PPP1R12B: variants seen among roughly 807,000 people sequenced by gnomAD.
PPP1R12B encodes myosin phosphatase target subunit 2.
A neutral mutation model predicts 126.1 loss-of-function variants in PPP1R12B; 76 were observed. The observed-to-expected ratio is 0.60, with a 90% CI of 0.50 to 0.73. The LOEUF (loss-of-function observed/expected upper bound fraction) is 0.73. Among genes scored for constraint, PPP1R12B ranks in the 30% least tolerant of loss-of-function variants. The pLI is 0.00. For synonymous variants in PPP1R12B, 356 were observed against 434.7 expected (o/e 0.82, Z 2.25); for missense variants, 1,052 against 1,205.1 (o/e 0.87, Z 1.88).
intron 9 of PPP1R12B, among the ~76,000 whole-genome samples, chr1:202,436,672 ATAAT>A (rs1045837898): frequency 3.3e-5 from 5 of 152,166 alleles, no homozygotes; most frequent in African/African-American, 9.7e-5. Context: ...GCAAAATGAG[ATAAT>A]TAAGGACAAT....
intron 1 of PPP1R12B, among the ~76,000 whole-genome samples, chr1:202,374,574 T>C (rs1421839933): frequency 1.5e-5 from 2 of 135,560 alleles, no homozygotes; most frequent in Non-Finnish European, 3.1e-5. Flanking sequence ...CTCGGCTCAC[T>C]TGCAACCTCC....
At chr1:202,373,656 T>C (rs530217091) in intron 1 of PPP1R12B, among the ~76,000 whole-genome samples, 1 of 132,982 alleles carries the variant, frequency 7.5e-6, no homozygotes, top group East Asian at 2.8e-4. Context: ...TGACAGAAGA[T>C]ATCTTTGTTT....
intron 18 of PPP1R12B, among the ~76,000 whole-genome samples, chr1:202,528,968 A>C (rs1683647122): frequency 6.6e-6 from 1 of 152,142 alleles, no homozygotes. Context: ...AAGGAAGGGG[A>C]CAAAGTGATC....
At chr1:202,569,243 C>A in intron 23 of PPP1R12B, 46 bp downstream of exon 23, 1 of 1,562,872 alleles carries the variant, frequency 6.4e-7, no homozygotes, top group Non-Finnish European at 8.8e-7. Flanking sequence ...TCTCTGAATG[C>A]CTGCCAAGAC....
chr1:202,539,156 G>T (rs188432503), intron 18 of PPP1R12B, among the ~76,000 whole-genome samples: 79 of 152,292 alleles, frequency 5.2e-4, no homozygotes, highest in Middle Eastern at 3.4e-3. Context: ...TCTAGAAGTT[G>T]AAAAATCCCC....
chr1:202,551,784 A>T (rs1363037550), intron 18 of PPP1R12B, among the ~76,000 whole-genome samples: 12 of 152,190 alleles, frequency 7.9e-5, no homozygotes, highest in Non-Finnish European at 1.6e-4. Context: ...TGCGAAAAGA[A>T]CTCAGTGCTT....
intron 18 of PPP1R12B, among the ~76,000 whole-genome samples, chr1:202,506,475 A>G (rs1158715452): frequency 6.6e-6 from 1 of 152,222 alleles, no homozygotes; most frequent in Non-Finnish European, 1.5e-5. Context: ...GTGTCCCATT[A>G]CATCAGTGAA....
At chr1:202,378,060 G>A (rs990662798) in intron 1 of PPP1R12B, among the ~76,000 whole-genome samples, 12 of 151,374 alleles carry the variant, frequency 7.9e-5, no homozygotes. Flanking sequence ...GGATGATCTC[G>A]ATCTCCTGAC....
At chr1:202,370,813 C>G (rs568321405) in intron 1 of PPP1R12B, among the ~76,000 whole-genome samples, 1 of 152,128 alleles carries the variant, frequency 6.6e-6, no homozygotes, top group Non-Finnish European at 1.5e-5. Context: ...GCTGGGATTA[C>G]AGGCATCAGC....
chr1:202,399,363 G>T (rs2148554497), intron 1 of PPP1R12B, among the ~76,000 whole-genome samples: 1 of 152,202 alleles, frequency 6.6e-6, no homozygotes, highest in Non-Finnish European at 1.5e-5. Context: ...TGGGACCACA[G>T]GCATGTGTTA....
rs188913188 is a variant in PPP1R12B at position 202,564,596 on chromosome 1, G to A, written c.2757+49G>A. On this transcript the variant is annotated intron_variant, in intron 21 of 23. Coordinates refer to ENST00000608999, the MANE Select transcript of PPP1R12B (RefSeq NM_002481.4). Reference sequence around the variant, plus strand: ...AGATGAGAACCAAGGGTTGATGTAAGGAAGCAAACTAGACTAGGGATCTAA... The same window carrying A: ...AGATGAGAACCAAGGGTTGATGTAAAGAAGCAAACTAGACTAGGGATCTAA... 15 of 1,458,958 alleles carry A rather than the reference G, an allele frequency of 1.0e-5. No homozygotes were observed. In the East Asian group the frequency reaches 3.0e-4, roughly 29 times the overall value. The allele number at this position is 1,458,958 out of a possible 1,614,324, so 90.4% of individuals were successfully genotyped here. A position where few individuals can be genotyped will look rare whatever the true frequency, so the allele number is the denominator to read the frequency against.
In PPP1R12B at chr1:202,580,796, G is replaced by T; in HGVS notation, c.*236G>T. ...CAGTTTTAATTGAAGCATGATTGTG[G>T]TAATTCGAGCCATCTGGAGAATGCT... is the stretch of plus-strand genomic sequence containing the variant. On this transcript the variant is annotated 3_prime_UTR_variant, in exon 24 of 24. Transcript: ENST00000608999. 2.1e-6 allele frequency: 1 copy of T among 467,036 alleles called. No homozygotes were observed. The highest frequency in any genetic ancestry group is 4.0e-6 in the Non-Finnish European group (1 of 252,602). The allele number at this position is 467,036 out of a possible 1,614,324, so 28.9% of individuals were successfully genotyped here. A position where few individuals can be genotyped will look rare whatever the true frequency, so the allele number is the denominator to read the frequency against.
intron 1 of PPP1R12B, among the ~76,000 whole-genome samples, chr1:202,353,513 G>GTT (rs1018087917): frequency 7.4e-6 from 1 of 134,252 alleles, no homozygotes; most frequent in Non-Finnish European, 1.6e-5. Context: ...TGTCTGTGTG[G>GTT]TTTTTTTTTT....
At chr1:202,478,813 T>C in intron 13 of PPP1R12B, among the ~76,000 whole-genome samples, 1 of 152,176 alleles carries the variant, frequency 6.6e-6, no homozygotes, top group East Asian at 1.9e-4. Context: ...AGATTCCAAG[T>C]CAGGTAAAAT....
chr1:202,376,494 G>A (rs189326899), intron 1 of PPP1R12B, among the ~76,000 whole-genome samples: 95 of 152,186 alleles, frequency 6.2e-4, no homozygotes, highest in African/African-American at 2.3e-3. Flanking sequence ...TCAGCTGGAA[G>A]CAAACTGAAA....
chr1:202,467,904 A>G (rs1675261364), intron 13 of PPP1R12B, among the ~76,000 whole-genome samples: 1 of 151,930 alleles, frequency 6.6e-6, no homozygotes, highest in Non-Finnish European at 1.5e-5. Context: ...TGACTTTTTA[A>G]TGATTGCCAT....
chr1:202,460,649 A>G (rs1341286781), intron 13 of PPP1R12B, among the ~76,000 whole-genome samples: 1 of 152,244 alleles, frequency 6.6e-6, no homozygotes, highest in Non-Finnish European at 1.5e-5. Context: ...CTCTACTGAT[A>G]GAAATAAGCT....
chr1:202,523,737 C>T (rs185659455), intron 18 of PPP1R12B, among the ~76,000 whole-genome samples: 301 of 152,086 alleles, frequency 2.0e-3, no homozygotes, highest in African/African-American at 6.6e-3. Flanking sequence ...TTTTTTGAGA[C>T]GGAGTCTTGC....
At position 202,488,547 on chromosome 1, in the gene PPP1R12B, C is replaced by T. The variant is rs1308949419; in HGVS notation, c.1865C>T (p.Pro622Leu). ...TTTCTCTGCAGGTCCTATCTGACTCCTGTACGGGATGAGGAAGCAGAGTCT... is the reference window on the plus strand; with the variant it reads ...TTTCTCTGCAGGTCCTATCTGACTCTTGTACGGGATGAGGAAGCAGAGTCT... ...AREKRRSYLT[P>L]VRDEEAESLR... The change falls in exon 14 of 24, where the codon CCT (proline) becomes CTT (leucine). Residue 622 changes from proline (P) to leucine (L), a missense_variant. Physicochemically the swap from Pro to Leu is moderately conservative, Grantham distance 98. Transcript: ENST00000608999. The T allele has an allele frequency of 6.2e-7, 1 of 1,610,992 alleles. No homozygotes were observed. Among genetic ancestry groups the T allele is most frequent in the Non-Finnish European group, 8.5e-7 (1 of 1,178,042 alleles).
Sources: gnomAD v4.1 joint callset for allele counts (sites outside exome capture counted in the v4.1 genomes callset) on GRCh38, gnomAD v4.1.1 for gene constraint, MANE v1.5 for transcripts, NCBI Gene and HGNC (gene_info 2026-07-23, HGNC 2026-07-21) for gene names.